The following DLGAP1 variants were observed in gnomAD, a reference collection of about 807,000 sequenced individuals.
The protein encoded by DLGAP1 is DLG associated protein 1.
Under a neutral mutation model 90.8 loss-of-function variants are expected in DLGAP1, and 11 were observed. The ratio of observed to expected loss-of-function variants is 0.12; its 90% CI spans 0.08 to 0.20. The LOEUF is 0.20. Ranked by LOEUF, DLGAP1 falls within the 10% of genes least tolerant of loss-of-function variation. The probability of loss-of-function intolerance (pLI) is 1.00; values close to 1 mark genes in which losing one functional copy is unlikely to be tolerated. For missense variants in DLGAP1, 1,050 were observed against 1,333.8 expected, an observed-to-expected ratio of 0.79 and a Z score of 3.31; for synonymous variants, 558 against 540.7, an observed-to-expected ratio of 1.03 and a Z score of -0.44.
chr18:4,384,189 G>C (rs922118249), intron 1 of DLGAP1, among the ~76,000 whole-genome samples: 8 of 152,114 alleles, frequency 5.3e-5, no homozygotes, highest in African/African-American at 1.9e-4. Context: ...CTTTATCCAA[G>C]TTTCTTAGGG....
chr18:3,877,597 A>G (rs964333982), intron 4 of DLGAP1, among the ~76,000 whole-genome samples: 11 of 152,136 alleles, frequency 7.2e-5, no homozygotes, highest in African/African-American at 2.2e-4. Flanking sequence ...CTTTACTTTC[A>G]GTGGTGGGTG....
At chr18:3,745,917 G>A (rs994227148) in intron 5 of DLGAP1, among the ~76,000 whole-genome samples, 2 of 152,118 alleles carry the variant, frequency 1.3e-5, no homozygotes, top group African/African-American at 4.8e-5. Context: ...TTGAACTCCT[G>A]ACCTCAAGGG....
intron 10 of DLGAP1, among the ~76,000 whole-genome samples, chr18:3,520,021 T>C (rs2051080968): frequency 1.3e-5 from 2 of 152,246 alleles, no homozygotes; most frequent in African/African-American, 4.8e-5. Flanking sequence ...GTTCAGCACA[T>C]GTATCCCAGA....
intron 4 of DLGAP1, among the ~76,000 whole-genome samples, chr18:3,846,772 C>G (rs1451069985): frequency 6.6e-6 from 1 of 152,058 alleles, no homozygotes; most frequent in Non-Finnish European, 1.5e-5. Flanking sequence ...GAAAAGTAGA[C>G]TAGTGGTTGC....
intron 7 of DLGAP1, chr18:3,680,069 A>G (rs1196137902): frequency 1.3e-5 from 2 of 152,258 alleles, no homozygotes; most frequent in Non-Finnish European, 2.9e-5. Context: ...TAGCATGGCC[A>G]TTCTTCACCA....
rs1555623972 is a variant in DLGAP1, at chr18:3,674,296, A to ATATATATATATATATATAT, written c.1591+54838_1591+54839insATATATATATATATATATA. Among the ~76,000 whole-genome samples the ATATATATATATATATATAT allele has an allele frequency of 7.2e-3, 930 of 128,836 alleles. 18 individuals are homozygous for ATATATATATATATATATAT. Among genetic ancestry groups the ATATATATATATATATATAT allele is most frequent in the Non-Finnish European group, 9.2e-3 (578 of 63,038 alleles). 84.5% of individuals were successfully genotyped at this position (128,836 alleles called of 152,430 possible). A position where few individuals can be genotyped will look rare whatever the true frequency, so the allele number is the denominator to read the frequency against. ...TGAGATCTTGTCTCTATAATATTAAAATATATATATATATATGTATATTTT... is the reference window on the plus strand; with the variant it reads ...TGAGATCTTGTCTCTATAATATTAAATATATATATATATATATATATATATATATATATATGTATATTTT... On this transcript the variant is annotated intron_variant, in intron 7 of 12. Transcript: ENST00000315677.
intron 4 of DLGAP1, among the ~76,000 whole-genome samples, chr18:3,817,802 G>A (rs1339819487): frequency 6.6e-6 from 1 of 152,204 alleles, no homozygotes; most frequent in Non-Finnish European, 1.5e-5. Context: ...CTGGGCAGAG[G>A]TTGCTGTGTC....
chr18:3,799,523 A>G (rs1161166357), intron 5 of DLGAP1, among the ~76,000 whole-genome samples: 3 of 151,046 alleles, frequency 2.0e-5, no homozygotes, highest in Admixed American at 2.0e-4. Flanking sequence ...TAAATACAGG[A>G]AACACAAAAA....
At chr18:3,557,673 A>C (rs926835122) in intron 9 of DLGAP1, among the ~76,000 whole-genome samples, 11 of 152,162 alleles carry the variant, frequency 7.2e-5, no homozygotes, top group African/African-American at 2.7e-4. Flanking sequence ...GTTTAATTCT[A>C]CTGTGGCCTG....
At chr18:4,075,942 T>C (rs1260159900) in intron 2 of DLGAP1, among the ~76,000 whole-genome samples, 1 of 152,208 alleles carries the variant, frequency 6.6e-6, no homozygotes, top group Non-Finnish European at 1.5e-5. Context: ...GAGCTTATTG[T>C]CAGTCCTGGA....
rs2075649481 is a variant in DLGAP1 at position 4,084,082 on chromosome 18, A to C, written c.-159+67098T>G. ...CGGGATGGAGTGGGAACAATCTCCC[A>C]AAACCCTTAAAAATCCTAGCCCCCA... is the stretch of plus-strand genomic sequence containing the variant. On this transcript the variant is annotated intron_variant, in intron 2 of 12. Transcript: ENST00000315677. The surrounding 1 kb of genome is among the most constrained non-coding windows in gnomAD (Gnocchi z 4.0). Among the ~76,000 whole-genome samples, 1 of 152,244 alleles carries C rather than the reference A, an allele frequency of 6.6e-6. No homozygotes were observed. The highest frequency in any genetic ancestry group is 1.5e-5 in the Non-Finnish European group (1 of 68,014).
intron 1 of DLGAP1, among the ~76,000 whole-genome samples, chr18:4,276,199 G>C (rs564799071): frequency 6.6e-6 from 1 of 151,460 alleles, no homozygotes; most frequent in East Asian, 1.9e-4. Flanking sequence ...TGCAGGGCAG[G>C]AGACAGGGGG....
Position 3,741,017 on chromosome 18 carries a change from T to TCAC in DLGAP1, c.1350+1315_1350+1317dup, listed in dbSNP as rs1304279132. On this transcript the variant is annotated intron_variant, in intron 6 of 12. Coordinates refer to ENST00000315677, the MANE Select transcript of DLGAP1 (RefSeq NM_004746.4). ...CATCACCTCACCACCACCACCACCA[T>TCAC]CACCACCACCACCACCACCATCACC... Among the ~76,000 whole-genome samples, 69 of 36,218 alleles carry TCAC rather than the reference T, an allele frequency of 1.9e-3. 1 individual carries two copies. In the East Asian group the frequency reaches 0.044, roughly 23 times the overall value. The allele number at this position is 36,218 out of a possible 152,430, so 23.8% of individuals were successfully genotyped here.
At chr18:4,452,209 T>C (rs939393933) in intron 1 of DLGAP1, among the ~76,000 whole-genome samples, 1 of 152,100 alleles carries the variant, frequency 6.6e-6, no homozygotes, top group South Asian at 2.1e-4. Flanking sequence ...GTAACATGAA[T>C]TTGAGCTGAT....
chr18:4,380,632 A>G (rs1419812954), intron 1 of DLGAP1, among the ~76,000 whole-genome samples: 2 of 152,212 alleles, frequency 1.3e-5, no homozygotes, highest in African/African-American at 2.4e-5. Context: ...GATATTCACC[A>G]TAAACTCTCT....
intron 3 of DLGAP1, chr18:3,986,233 T>G (rs1351996726): frequency 6.6e-6 from 1 of 152,192 alleles, no homozygotes; most frequent in South Asian, 2.1e-4. Context: ...GTAGAAGCCA[T>G]TTATTTTAAT....
chr18:4,156,991 T>G (rs953941452), intron 1 of DLGAP1, among the ~76,000 whole-genome samples: 33 of 152,218 alleles, frequency 2.2e-4, no homozygotes, highest in African/African-American at 8.0e-4. Flanking sequence ...ATCTTTAAAA[T>G]GAGTTTCTTG....
At chr18:3,501,370 T>G (rs16944927) in intron 12 of DLGAP1, among the ~76,000 whole-genome samples, 3,445 of 152,244 alleles carry the variant, frequency 0.023, 144 homozygotes, top group African/African-American at 0.079. Context: ...TAAAGAAAAC[T>G]AGATTGGGTA....
intron 9 of DLGAP1, among the ~76,000 whole-genome samples, chr18:3,541,125 A>T (rs2144623415): frequency 6.6e-6 from 1 of 152,308 alleles, no homozygotes; most frequent in East Asian, 1.9e-4. Flanking sequence ...CAGTCTCACT[A>T]ACAATTATGT....
Sources: gnomAD v4.1 joint callset for allele counts (sites outside exome capture counted in the v4.1 genomes callset) on GRCh38, gnomAD v4.1.1 for gene constraint, Gnocchi (gnomAD v3.1) non-coding constraint, MANE v1.5 for transcripts, NCBI Gene and HGNC (gene_info 2026-07-23, HGNC 2026-07-21) for gene names.